Variants in CCDC85A observed in about 807,000 individuals in gnomAD.
CCDC85A encodes coiled-coil domain-containing protein 85A.
A neutral mutation model predicts 50.2 loss-of-function variants in CCDC85A; 38 were observed. The observed-to-expected ratio is 0.76, with a 90% CI of 0.58 to 0.99. The LOEUF (loss-of-function observed/expected upper bound fraction) is 0.99. Among genes scored for constraint, CCDC85A ranks in the 50% least tolerant of loss-of-function variants. CCDC85A has a pLI of 0.00. For missense variants in CCDC85A, 820 were observed against 742.0 expected, an observed-to-expected ratio of 1.11 and a Z score of -1.22; for synonymous variants, 366 against 301.4, an observed-to-expected ratio of 1.21 and a Z score of -2.22.
intron 2 of CCDC85A, among the ~76,000 whole-genome samples, chr2:56,303,927 T>C (rs1392592526): frequency 6.6e-6 from 1 of 152,152 alleles, no homozygotes; most frequent in Non-Finnish European, 1.5e-5. Context: ...AAACTGACAC[T>C]AAAAGCTGAT....
chr2:56,186,192 C>G (rs868304727), intron 1 of CCDC85A, among the ~76,000 whole-genome samples: 3 of 152,248 alleles, frequency 2.0e-5, no homozygotes, highest in Middle Eastern at 3.4e-3. Flanking sequence ...AGAAAAATGC[C>G]AAGGCTTACT....
At chr2:56,284,100 AT>A (rs1378907203) in intron 2 of CCDC85A, among the ~76,000 whole-genome samples, 3 of 151,576 alleles carry the variant, frequency 2.0e-5, no homozygotes, top group Non-Finnish European at 4.4e-5. Context: ...TTTCCCTGTG[AT>A]TTTTTTCTTT....
intron 2 of CCDC85A, among the ~76,000 whole-genome samples, chr2:56,320,216 G>A (rs369610060): frequency 5.9e-5 from 9 of 151,498 alleles, no homozygotes; most frequent in East Asian, 5.8e-4. Flanking sequence ...CCCTAACATC[G>A]CAATTAAAAG....
In CCDC85A at chr2:56,222,559, A is replaced by C. The variant is rs181876067; in HGVS notation, c.1240+29119A>C. ...ATGAATTTCTGGACCTAGTCAGAGA[A>C]GGAGATGTACAGGCCCTCCAGCTAT... On this transcript the variant is annotated intron_variant, in intron 2 of 5. Transcript: ENST00000407595. Among the ~76,000 whole-genome samples, 203 of 152,272 alleles carry C rather than the reference A, an allele frequency of 1.3e-3. 2 individuals are homozygous for C. The highest frequency in any genetic ancestry group is 2.1e-4 in the Non-Finnish European group (14 of 68,004).
chr2:56,187,090 G>A (rs1676079970), intron 1 of CCDC85A, among the ~76,000 whole-genome samples: 1 of 152,074 alleles, frequency 6.6e-6, no homozygotes, highest in South Asian at 2.1e-4. Context: ...TTTTATTTTG[G>A]CTCAGAGCTT....
chr2:56,200,780 T>G (rs1164105972), intron 2 of CCDC85A, among the ~76,000 whole-genome samples: 3 of 152,208 alleles, frequency 2.0e-5, no homozygotes, highest in Non-Finnish European at 4.4e-5. Flanking sequence ...ATTTACCATT[T>G]TTACATAGTA....
intron 2 of CCDC85A, among the ~76,000 whole-genome samples, chr2:56,298,942 A>G (rs1221826541): frequency 6.6e-6 from 1 of 152,154 alleles, no homozygotes; most frequent in Non-Finnish European, 1.5e-5. Context: ...TAAGGACAGG[A>G]TCAAAGGTAC....
chr2:56,228,999 G>C (rs1054600767), intron 2 of CCDC85A, among the ~76,000 whole-genome samples: 1 of 152,154 alleles, frequency 6.6e-6, no homozygotes, highest in Non-Finnish European at 1.5e-5. Context: ...TACAGGAACT[G>C]GATACCTGTG....
chr2:56,372,571 C>A, intron 4 of CCDC85A, 93 bp downstream of exon 4: 1 of 1,298,612 alleles, frequency 7.7e-7, no homozygotes, highest in South Asian at 2.1e-5. Flanking sequence ...GGGTAGAAAA[C>A]AAGTTCATAC....
chr2:56,243,917 G>T (rs542099386), intron 2 of CCDC85A, among the ~76,000 whole-genome samples: 4 of 152,264 alleles, frequency 2.6e-5, no homozygotes, highest in African/African-American at 7.2e-5. Context: ...GGTGGTCTTG[G>T]ATAAGTTCTA....
intron 3 of CCDC85A, among the ~76,000 whole-genome samples, chr2:56,368,920 T>C (rs1374822458): frequency 6.6e-6 from 1 of 152,078 alleles, no homozygotes; most frequent in Admixed American, 6.6e-5. Context: ...AAACTTTTTT[T>C]AGGAAGAATT....
intron 2 of CCDC85A, among the ~76,000 whole-genome samples, chr2:56,230,495 G>C (rs1027345731): frequency 6.6e-6 from 1 of 152,130 alleles, no homozygotes; most frequent in Admixed American, 6.6e-5. Context: ...CTAAACTACA[G>C]AGGCCAGGTT....
chr2:56,337,071 C>T (rs1674110409), intron 2 of CCDC85A, among the ~76,000 whole-genome samples: 1 of 152,176 alleles, frequency 6.6e-6, no homozygotes, highest in Non-Finnish European at 1.5e-5. Flanking sequence ...CAAAACAAGT[C>T]AGAGGATTGT....
chr2:56,196,121 AT>A (rs1351949985), intron 2 of CCDC85A, among the ~76,000 whole-genome samples: 1 of 152,160 alleles, frequency 6.6e-6, no homozygotes, highest in Non-Finnish European at 1.5e-5. Flanking sequence ...AATTTTAGCT[AT>A]TTTTTCTCTC....
intron 3 of CCDC85A, among the ~76,000 whole-genome samples, chr2:56,359,001 A>C (rs1393776037): frequency 6.9e-6 from 1 of 145,740 alleles, no homozygotes; most frequent in African/African-American, 2.6e-5. Context: ...ATGGGGTTTC[A>C]CTGTGTTGGC....
chr2:56,315,416 T>C (rs1048129911), intron 2 of CCDC85A, among the ~76,000 whole-genome samples: 28 of 152,160 alleles, frequency 1.8e-4, no homozygotes, highest in African/African-American at 6.5e-4. Flanking sequence ...AATCAAGTTA[T>C]GGTAATAATT....
At chr2:56,364,263 G>T (rs965548920) in intron 3 of CCDC85A, among the ~76,000 whole-genome samples, 1 of 151,964 alleles carries the variant, frequency 6.6e-6, no homozygotes, top group African/African-American at 2.4e-5. Flanking sequence ...TCTTCCTGGG[G>T]TTTGCCCTTT....
chr2:56,191,462 C>T (rs1240192416), intron 1 of CCDC85A, among the ~76,000 whole-genome samples: 1 of 152,122 alleles, frequency 6.6e-6, no homozygotes, highest in East Asian at 1.9e-4. Context: ...TACCTGGAGC[C>T]TTGTGTGACT....
intron 3 of CCDC85A, among the ~76,000 whole-genome samples, chr2:56,366,976 G>A (rs1415952789): frequency 2.6e-5 from 4 of 152,072 alleles, no homozygotes; most frequent in Admixed American, 2.6e-4. Context: ...TGTTTCATGT[G>A]TCAGGGCCCC....
Sources: allele counts gnomAD v4.1 joint callset (sites outside exome capture counted in the v4.1 genomes callset), GRCh38; gene constraint gnomAD v4.1.1; transcripts MANE v1.5; gene names NCBI Gene and HGNC (gene_info 2026-07-23, HGNC 2026-07-21).